The following CAPS2 variants were observed in gnomAD, a reference collection of about 807,000 sequenced individuals.
CAPS2 encodes calcyphosin-2.
In CAPS2, 98 loss-of-function variants were observed where a neutral mutation model predicts 86.5. The ratio of observed to expected loss-of-function variants is 1.13; its 90% CI spans 0.96 to 1.34. The LOEUF (loss-of-function observed/expected upper bound fraction) is 1.34, where lower values mean the gene tolerates loss of function less well. Ranked by LOEUF, CAPS2 falls within the 40% of genes most tolerant of loss-of-function variation. CAPS2 has a pLI of 0.00. For missense variants in CAPS2, 729 were observed against 686.8 expected (o/e 1.06, Z -0.69); for synonymous variants, 210 against 225.1 (o/e 0.93, Z 0.60).
chr12:75,326,480 C>T (rs1406282948), exon 1 of CAPS2: 1 of 1,544,500 alleles, frequency 6.5e-7, no homozygotes. Flanking sequence ...GCAGCAACTC[C>T]TTTAACCTCT....
intron 13 of CAPS2, among the ~76,000 whole-genome samples, chr12:75,291,413 T>C (rs1224102154): frequency 7.0e-6 from 1 of 142,416 alleles, no homozygotes; most frequent in Non-Finnish European, 1.5e-5. Context: ...ATAATTCATA[T>C]AATACTAGTT....
exon 12 of CAPS2, chr12:75,293,265 C>T (rs1565803304): frequency 6.2e-7 from 1 of 1,600,736 alleles, no homozygotes; most frequent in Non-Finnish European, 8.5e-7. Flanking sequence ...GAATCCAAAG[C>T]TATTTGATCA....
chr12:75,376,995 T>C (rs953955950), intron 1 of CAPS2, among the ~76,000 whole-genome samples: 1 of 152,174 alleles, frequency 6.6e-6, no homozygotes, highest in African/African-American at 2.4e-5. Context: ...CCAACTTTAT[T>C]ATATTCCTTG....
intron 1 of CAPS2, among the ~76,000 whole-genome samples, chr12:75,354,166 A>AG (rs35360428): frequency 0.04 from 4,906 of 122,694 alleles, 213 homozygotes; most frequent in African/African-American, 0.13. Flanking sequence ...GAGAAAAAAA[A>AG]GGGGGGGGGG....
At chr12:75,357,617 G>C (rs896856421) in intron 1 of CAPS2, among the ~76,000 whole-genome samples, 3 of 151,992 alleles carry the variant, frequency 2.0e-5, no homozygotes, top group East Asian at 1.9e-4. Context: ...TCATAAAACA[G>C]ATCTTGATAC....
chr12:75,323,825 T>C (rs1456072499), intron 2 of CAPS2, among the ~76,000 whole-genome samples: 1 of 152,230 alleles, frequency 6.6e-6, no homozygotes, highest in East Asian at 1.9e-4. Context: ...ATCTGTGCTC[T>C]AGAGATTATC....
intron 1 of CAPS2, among the ~76,000 whole-genome samples, chr12:75,372,549 A>T (rs928392532): frequency 6.6e-6 from 1 of 152,192 alleles, no homozygotes; most frequent in Non-Finnish European, 1.5e-5. Flanking sequence ...CTAGTGGATC[A>T]CTAGGGGTGA....
intron 2 of CAPS2, 93 bp downstream of exon 3, chr12:75,325,146 C>T: frequency 1.7e-6 from 2 of 1,203,774 alleles, no homozygotes; most frequent in Non-Finnish European, 2.3e-6. Flanking sequence ...ACAATCATAG[C>T]TACATTTATA....
upstream of CAPS2, among the ~76,000 whole-genome samples, chr12:75,329,050 T>C (rs191134795): frequency 6.6e-6 from 1 of 152,276 alleles, no homozygotes; most frequent in East Asian, 1.9e-4. Flanking sequence ...CCAGCTGAGA[T>C]CCAGAAAAGT....
intron 1 of CAPS2, among the ~76,000 whole-genome samples, chr12:75,375,569 G>C (rs533424362): frequency 6.6e-6 from 1 of 152,138 alleles, no homozygotes; most frequent in Admixed American, 6.5e-5. Context: ...TCTGAAAGTG[G>C]TTCAAGTCTG....
intron 1 of CAPS2, chr12:75,367,073 C>G (rs1034715935): frequency 5.7e-6 from 4 of 698,184 alleles, no homozygotes; most frequent in African/African-American, 1.8e-5. Flanking sequence ...AATGCACAGA[C>G]AAGCCAACTG....
chr12:75,380,937 G>T (rs2044927934), intron 1 of CAPS2, among the ~76,000 whole-genome samples: 1 of 152,074 alleles, frequency 6.6e-6, no homozygotes, highest in Non-Finnish European at 1.5e-5. Context: ...ACTTCATATT[G>T]ACCTAATGAA....
At chr12:75,344,850 C>CT (rs2042345284) in intron 1 of CAPS2, among the ~76,000 whole-genome samples, 1 of 152,084 alleles carries the variant, frequency 6.6e-6, no homozygotes, top group African/African-American at 2.4e-5. Context: ...TAGTCCAGAG[C>CT]TGATAATGAT....
chr12:75,341,681 C>A (rs1382282089), intron 1 of CAPS2, among the ~76,000 whole-genome samples: 1 of 151,364 alleles, frequency 6.6e-6, no homozygotes, highest in African/African-American at 2.4e-5. Context: ...CTCCTGATCT[C>A]GTGATCCGCC....
At chr12:75,306,179 G>C in intron 7 of CAPS2, 1 of 834,088 alleles carries the variant, frequency 1.2e-6, no homozygotes, top group East Asian at 2.5e-5. Context: ...CTGAAGTACC[G>C]GCCCGGCCCC....
At chr12:75,362,378 T>C (rs776294889) in intron 1 of CAPS2, among the ~76,000 whole-genome samples, 1 of 152,154 alleles carries the variant, frequency 6.6e-6, no homozygotes, top group Non-Finnish European at 1.5e-5. Flanking sequence ...GTGAGGGCCA[T>C]GGTATTCTCA....
At chr12:75,313,027 T>C in intron 6 of CAPS2, 112 bp from the exon 7 acceptor site, 3 of 560,518 alleles carry the variant, frequency 5.4e-6, no homozygotes, top group South Asian at 5.7e-5. Flanking sequence ...GTCTTAGATA[T>C]AGATGGAAAT....
intron 1 of CAPS2, chr12:75,361,030 A>G (rs2043550186): frequency 6.6e-6 from 1 of 152,052 alleles, no homozygotes; most frequent in Admixed American, 6.6e-5. Context: ...CTGGAAAGTG[A>G]GTGGAGTAGA....
At chr12:75,349,969 G>C (rs1301294755) in intron 1 of CAPS2, among the ~76,000 whole-genome samples, 2 of 152,240 alleles carry the variant, frequency 1.3e-5, no homozygotes, top group African/African-American at 2.4e-5. Flanking sequence ...GGGCAGGCTG[G>C]AGACTGCCTA....
Sources: gnomAD v4.1 joint callset for allele counts (sites outside exome capture counted in the v4.1 genomes callset) on GRCh38, gnomAD v4.1.1 for gene constraint, MANE v1.5 for transcripts, NCBI Gene and HGNC (gene_info 2026-07-23, HGNC 2026-07-21) for gene names.